Variants in VPS35L observed in about 807,000 individuals in gnomAD.
The protein encoded by VPS35L is VPS35 endosomal protein-sorting factor-like.
A neutral mutation model predicts 133.0 loss-of-function variants in VPS35L; 83 were observed. That is an observed-to-expected ratio of 0.62 (90% CI 0.52 to 0.75). The LOEUF (loss-of-function observed/expected upper bound fraction) is 0.75, where lower values mean the gene tolerates loss of function less well. Ranked by LOEUF, VPS35L falls within the 30% of genes least tolerant of loss-of-function variation. The probability of loss-of-function intolerance (pLI) is 0.00; values close to 1 mark genes in which losing one functional copy is unlikely to be tolerated. For synonymous variants in VPS35L, 423 were observed against 449.9 expected, an observed-to-expected ratio of 0.94 and a Z score of 0.76; for missense variants, 1,083 against 1,206.8, an observed-to-expected ratio of 0.90 and a Z score of 1.52.
At chr16:19,642,968 A>G (rs904434051) in intron 22 of VPS35L, among the ~76,000 whole-genome samples, 1 of 152,118 alleles carries the variant, frequency 6.6e-6, no homozygotes, top group African/African-American at 2.4e-5. Flanking sequence ...TTTTCGTTTG[A>G]CTGTGCTTAG....
chr16:19,651,925 G>C (rs1454069970), intron 25 of VPS35L, 51 bp from the exon 26 acceptor site: 1 of 1,289,664 alleles, frequency 7.8e-7, no homozygotes, highest in South Asian at 1.2e-5. Context: ...ACAGGAGTAT[G>C]ATTCTGCCAC....
chr16:19,625,794 C>A (rs1973241829), intron 14 of VPS35L, among the ~76,000 whole-genome samples: 1 of 152,094 alleles, frequency 6.6e-6, no homozygotes, highest in Non-Finnish European at 1.5e-5. Flanking sequence ...CTTCCTTAGC[C>A]CTCTGAGTAG....
Position 19,600,890 on chromosome 16 carries a change from A to G in VPS35L, c.725-774A>G, listed in dbSNP as rs77683962. Among the ~76,000 whole-genome samples, 862 of 152,250 alleles carry G rather than the reference A, an allele frequency of 5.7e-3. 13 individuals are homozygous for G. Among genetic ancestry groups the G allele is most frequent in the East Asian group, 0.029 (150 of 5,180 alleles). On this transcript the variant is annotated intron_variant, in intron 8 of 30. Coordinates refer to ENST00000417362, the MANE Select transcript of VPS35L (RefSeq NM_020314.7). ...TTTGACATATTTTATGTGAAGAAGG[A>G]GAAAATATGGCATGTGAGTTCTCCC...
At chr16:19,678,508 C>T (rs1281022191) in intron 27 of VPS35L, among the ~76,000 whole-genome samples, 7 of 149,494 alleles carry the variant, frequency 4.7e-5, no homozygotes, top group Non-Finnish European at 7.4e-5. Context: ...AGAGGAGTCT[C>T]GCTCTGTTGC....
chr16:19,608,093 C>A, intron 9 of VPS35L, 85 bp from the exon 10 acceptor site: 1 of 973,908 alleles, frequency 1.0e-6, no homozygotes, highest in Non-Finnish European at 1.6e-6. Flanking sequence ...CCCTTTTCTG[C>A]TCCAGGGTAA....
chr16:19,656,636 G>A (rs1387645769), intron 26 of VPS35L, among the ~76,000 whole-genome samples: 1 of 151,912 alleles, frequency 6.6e-6, no homozygotes, highest in Non-Finnish European at 1.5e-5. Context: ...TATCTGTTGA[G>A]TGTTAAATGA....
intron 7 of VPS35L, among the ~76,000 whole-genome samples, chr16:19,587,630 G>A (rs1340436496): frequency 1.7e-4 from 24 of 140,772 alleles, no homozygotes; most frequent in African/African-American, 5.5e-4. Flanking sequence ...GTGAAACTCC[G>A]TCTCAAAAAA....
chr16:19,614,572 G>A (rs1255000606), intron 12 of VPS35L, among the ~76,000 whole-genome samples: 2 of 152,138 alleles, frequency 1.3e-5, no homozygotes, highest in Admixed American at 6.6e-5. Context: ...CACCACACCC[G>A]GCTAATTTTT....
intron 28 of VPS35L, among the ~76,000 whole-genome samples, chr16:19,686,730 C>T (rs1975473890): frequency 6.6e-6 from 1 of 152,140 alleles, no homozygotes; most frequent in Non-Finnish European, 1.5e-5. Context: ...TCAAATGCGC[C>T]CTTTTCTCCT....
intron 19 of VPS35L, among the ~76,000 whole-genome samples, chr16:19,636,055 G>A (rs1037709137): frequency 3.9e-5 from 6 of 152,072 alleles, no homozygotes; most frequent in Middle Eastern, 3.4e-3. Context: ...GTGTGGTGGC[G>A]TGCACCTGTG....
At chr16:19,669,121 A>G in intron 26 of VPS35L, 39 bp from the exon 27 acceptor site, 1 of 1,547,646 alleles carries the variant, frequency 6.5e-7, no homozygotes, top group Non-Finnish European at 8.8e-7. Flanking sequence ...TAAATTTCCC[A>G]GAGTTCTAAT....
intron 7 of VPS35L, among the ~76,000 whole-genome samples, chr16:19,589,614 A>G (rs1971978012): frequency 6.6e-6 from 1 of 152,192 alleles, no homozygotes; most frequent in African/African-American, 2.4e-5. Flanking sequence ...AGCGGCACCA[A>G]AGCTTTAAAA....
At chr16:19,646,701 G>A (rs1395470433) in intron 23 of VPS35L, among the ~76,000 whole-genome samples, 1 of 151,782 alleles carries the variant, frequency 6.6e-6, no homozygotes, top group East Asian at 1.9e-4. Flanking sequence ...GTAAACCCCT[G>A]CCATATTCTA....
Position 19,569,452 on chromosome 16 carries a change from A to G in VPS35L, c.146A>G (p.Asn49Ser). 1 of 1,599,026 alleles carries G rather than the reference A, an allele frequency of 6.3e-7. No homozygotes were observed. The change falls in exon 3 of 31, where the codon AAC (asparagine) becomes AGC (serine). Residue 49 changes from asparagine to serine, a missense_variant. By Grantham distance (46) the Asn-to-Ser change is conservative. Coordinates refer to ENST00000417362, the MANE Select transcript of VPS35L (RefSeq NM_020314.7). The stretch of plus-strand genomic sequence containing the variant: ...ACAGAGTCAAAGACAAAGAAAGTGA[A>G]CCGGAAAGGAAGCACTTCTTCCACG... ...TVTESKTKKVNRKGSTSSTSS... is the reference protein window; with the variant it reads ...TVTESKTKKVSRKGSTSSTSS...
chr16:19,682,218 C>G lies in VPS35L; in HGVS notation c.2362-7C>G. Reference sequence around the variant, plus strand: ...GATTATTTATCCTTTTTTCGGTTCTCTGCTAGGATCATCCTGAACATGGGG... The same window carrying G: ...GATTATTTATCCTTTTTTCGGTTCTGTGCTAGGATCATCCTGAACATGGGG... On this transcript the variant is annotated splice_region_variant and splice_polypyrimidine_tract_variant and intron_variant, in intron 27 of 30. Transcript: ENST00000417362. 2 of 1,611,614 alleles carry G rather than the reference C, an allele frequency of 1.2e-6. No homozygotes were observed. The highest frequency in any genetic ancestry group is 1.1e-5 in the South Asian group (1 of 90,812).
intron 28 of VPS35L, among the ~76,000 whole-genome samples, chr16:19,690,655 T>C (rs940162665): frequency 6.6e-6 from 1 of 152,118 alleles, no homozygotes; most frequent in Admixed American, 6.5e-5. Context: ...AAGGGAGATA[T>C]TAATATCATC....
rs1008992709 is a variant in VPS35L at position 19,666,772 on chromosome 16, A to T, written c.2222-2388A>T. Among the ~76,000 whole-genome samples the T allele has an allele frequency of 2.8e-4, 42 of 152,134 alleles. 1 individual carries two copies. The highest frequency in any genetic ancestry group is 9.9e-4 in the African/African-American group (41 of 41,416). On this transcript the variant is annotated intron_variant, in intron 26 of 30. Coordinates refer to ENST00000417362, the MANE Select transcript of VPS35L (RefSeq NM_020314.7). ...TTCCCACTGAGAACCTTGTTTCATGATATACTTACTTCACTGTGGGACTGC... is the reference window on the plus strand; with the variant it reads ...TTCCCACTGAGAACCTTGTTTCATGTTATACTTACTTCACTGTGGGACTGC...
Position 19,623,768 on chromosome 16 carries a change from TA to T in VPS35L, c.1225-2408del, listed in dbSNP as rs1468319613. ...ATTTTTTACTTTTTACTTATTTATT[TA>T]TTATTATTATTATTATTATTATTAT... On this transcript the variant is annotated intron_variant, in intron 14 of 30. Transcript: ENST00000417362. Among the ~76,000 whole-genome samples the T allele has an allele frequency of 2.2e-3, 67 of 29,996 alleles. 1 individual carries two copies. The highest frequency in any genetic ancestry group is 3.8e-3 in the Admixed American group (10 of 2,648). The allele number at this position is 29,996 out of a possible 152,430, so 19.7% of individuals were successfully genotyped here. A position where few individuals can be genotyped will look rare whatever the true frequency, so the allele number is the denominator to read the frequency against.
At chr16:19,658,726 C>T (rs1597402988) in intron 26 of VPS35L, among the ~76,000 whole-genome samples, 2 of 150,694 alleles carry the variant, frequency 1.3e-5, no homozygotes, top group African/African-American at 4.9e-5. Context: ...CCTGGAAGGT[C>T]AGGGAATATC....
Sources: allele counts gnomAD v4.1 joint callset (sites outside exome capture counted in the v4.1 genomes callset), GRCh38; gene constraint gnomAD v4.1.1; transcripts MANE v1.5; gene names NCBI Gene and HGNC (gene_info 2026-07-23, HGNC 2026-07-21).